The following DHRSX variants were observed in gnomAD, a reference collection of about 807,000 sequenced individuals.
The protein encoded by DHRSX is dehydrogenase/reductase X-linked.
DHRSX carries 31 observed loss-of-function variants against 34.0 expected under a neutral mutation model. That is an observed-to-expected ratio of 0.91 (90% CI 0.69 to 1.23). DHRSX has a LOEUF of 1.23. Ranked by LOEUF, DHRSX falls within the 50% of genes most tolerant of loss-of-function variation. The pLI, the probability that DHRSX is intolerant of heterozygous loss-of-function variation, is 0.00. For synonymous variants in DHRSX, 201 were observed against 183.8 expected, an observed-to-expected ratio of 1.09 and a Z score of -0.76; for missense variants, 414 against 428.1, an observed-to-expected ratio of 0.97 and a Z score of 0.29.
intron 1 of DHRSX, chrX:2,487,935 C>T (rs1360948375): frequency 6.6e-6 from 1 of 151,988 alleles, no homozygotes; most frequent in Admixed American, 6.6e-5. Flanking sequence ...GCAGAAGTCA[C>T]ACATGATGAT....
chrX:2,389,085 C>T (rs1466483745), intron 3 of DHRSX, among the ~76,000 whole-genome samples: 3 of 152,176 alleles, frequency 2.0e-5, no homozygotes, highest in South Asian at 2.1e-4. Context: ...CACTCGGCAA[C>T]GCTACAAGAC....
intron 3 of DHRSX, among the ~76,000 whole-genome samples, chrX:2,383,140 T>A (rs2043232793): frequency 6.6e-6 from 1 of 151,028 alleles, no homozygotes; most frequent in Admixed American, 6.6e-5. Flanking sequence ...GTCATCACCA[T>A]CATGACCATC....
chrX:2,338,654 G>A (rs1159091878), intron 3 of DHRSX, among the ~76,000 whole-genome samples: 1 of 152,000 alleles, frequency 6.6e-6, no homozygotes, highest in Non-Finnish European at 1.5e-5. Flanking sequence ...CTCTTCGTGT[G>A]GTCTCTGTAC....
At chrX:2,354,464 TTTTG>T (rs2042824729) in intron 3 of DHRSX, among the ~76,000 whole-genome samples, 1 of 152,158 alleles carries the variant, frequency 6.6e-6, no homozygotes. Context: ...CATCCATCTT[TTTTG>T]TTTTTGTTTT....
chrX:2,246,817 G>A (rs1376131834), intron 5 of DHRSX, among the ~76,000 whole-genome samples: 1 of 152,034 alleles, frequency 6.6e-6, no homozygotes, highest in Non-Finnish European at 1.5e-5. Context: ...AGGATCTGGA[G>A]AAGAAAAATG....
At chrX:2,314,831 C>T (rs748361510) in intron 3 of DHRSX, among the ~76,000 whole-genome samples, 2 of 152,212 alleles carry the variant, frequency 1.3e-5, no homozygotes, top group African/African-American at 2.4e-5. Flanking sequence ...ATTTACCCGA[C>T]TTGAAACACT....
intron 4 of DHRSX, among the ~76,000 whole-genome samples, chrX:2,269,210 T>C (rs2041516058): frequency 6.6e-6 from 1 of 152,270 alleles, no homozygotes; most frequent in Admixed American, 6.5e-5. Context: ...TGTGTACATA[T>C]TTTCCTATGC....
intron 1 of DHRSX, chrX:2,487,355 C>A (rs1062804): frequency 0.29 from 42,830 of 148,914 alleles, 7,005 homozygotes; most frequent in Admixed American, 0.41. Context: ...CCTCCGGACC[C>A]GTGAGCCACC....
chrX:2,259,017 G>A (rs1397737083), intron 5 of DHRSX, among the ~76,000 whole-genome samples: 2 of 152,246 alleles, frequency 1.3e-5, no homozygotes, highest in African/African-American at 2.4e-5. Context: ...GCTCACGCCT[G>A]TAATCCCAGC....
At chrX:2,225,440 A>G (rs2015635723) in intron 6 of DHRSX, among the ~76,000 whole-genome samples, 1 of 152,192 alleles carries the variant, frequency 6.6e-6, no homozygotes, top group African/African-American at 2.4e-5. Flanking sequence ...GCATACTTAT[A>G]CACATGCAAA....
intron 1 of DHRSX, among the ~76,000 whole-genome samples, chrX:2,492,751 G>GA (rs933147027): frequency 6.6e-5 from 10 of 152,240 alleles, no homozygotes; most frequent in Non-Finnish European, 7.3e-5. Context: ...GGAGAGGCAG[G>GA]AAGCACCCTC....
At chrX:2,345,446 C>G (rs2042693732) in intron 3 of DHRSX, among the ~76,000 whole-genome samples, 2 of 151,702 alleles carry the variant, frequency 1.3e-5, no homozygotes, top group Admixed American at 1.3e-4. Flanking sequence ...AGTTTGAGAT[C>G]AGCCTGGCCA....
intron 6 of DHRSX, among the ~76,000 whole-genome samples, chrX:2,233,071 GAAAGAAAGA>G (rs2015934232): frequency 3.0e-4 from 2 of 6,602 alleles, no homozygotes; most frequent in African/African-American, 4.6e-4. Flanking sequence ...AAGAAAGAAA[GAAAGAAAGA>G]AAGAAATATG....
At chrX:2,483,474 G>T (rs2044805399) in intron 1 of DHRSX, among the ~76,000 whole-genome samples, 1 of 152,006 alleles carries the variant, frequency 6.6e-6, no homozygotes, top group Admixed American at 6.6e-5. Context: ...TGGCCATGTT[G>T]CCCAGGCTGG....
At chrX:2,426,844 C>T (rs1254450792) in intron 1 of DHRSX, among the ~76,000 whole-genome samples, 6 of 151,422 alleles carry the variant, frequency 4.0e-5, no homozygotes, top group Non-Finnish European at 4.4e-5. Context: ...TTCTTTCCTC[C>T]CTCTTTCCTT....
At chrX:2,449,386 A>G (rs1341438645) in intron 1 of DHRSX, among the ~76,000 whole-genome samples, 1 of 152,146 alleles carries the variant, frequency 6.6e-6, no homozygotes, top group Non-Finnish European at 1.5e-5. Flanking sequence ...GAGTACATGC[A>G]AGGTGCACTG....
intron 3 of DHRSX, among the ~76,000 whole-genome samples, chrX:2,297,324 T>C (rs1163842376): frequency 6.6e-6 from 1 of 152,136 alleles, no homozygotes; most frequent in Non-Finnish European, 1.5e-5. Flanking sequence ...GATTTTGCAA[T>C]ATTGCCCAAG....
chrX:2,312,191 T>C (rs1212876608), intron 3 of DHRSX, among the ~76,000 whole-genome samples: 1 of 152,030 alleles, frequency 6.6e-6, no homozygotes, highest in Non-Finnish European at 1.5e-5. Flanking sequence ...AGCATGGAAA[T>C]CAAGAGAAAT....
intron 3 of DHRSX, among the ~76,000 whole-genome samples, chrX:2,371,213 T>TCC (rs2043055243): frequency 1.5e-5 from 2 of 136,574 alleles, no homozygotes; most frequent in Non-Finnish European, 3.3e-5. Context: ...CAGTCCCTTC[T>TCC]CCCGTTACCG....
Sources: gnomAD v4.1 joint callset for allele counts (sites outside exome capture counted in the v4.1 genomes callset) on GRCh38, gnomAD v4.1.1 for gene constraint, MANE v1.5 for transcripts, NCBI Gene and HGNC (gene_info 2026-07-23, HGNC 2026-07-21) for gene names.